NAALADL2: variants seen among roughly 807,000 people sequenced by gnomAD.
NAALADL2 encodes N-acetylated alpha-linked acidic dipeptidase like 2.
NAALADL2 carries 76 observed loss-of-function variants against 87.2 expected under a neutral mutation model. The observed-to-expected ratio is 0.87, with a 90% CI of 0.72 to 1.05. The LOEUF (loss-of-function observed/expected upper bound fraction) is 1.05, where lower values mean the gene tolerates loss of function less well. NAALADL2 is among the 50% of genes least tolerant of loss of function. The pLI, the probability that NAALADL2 is intolerant of heterozygous loss-of-function variation, is 0.00. For missense variants in NAALADL2, 1,089 were observed against 945.8 expected, an observed-to-expected ratio of 1.15 and a Z score of -1.99; for synonymous variants, 354 against 331.0, an observed-to-expected ratio of 1.07 and a Z score of -0.75.
chr3:175,537,758 C>T (rs911056084), intron 9 of NAALADL2, among the ~76,000 whole-genome samples: 1 of 152,078 alleles, frequency 6.6e-6, no homozygotes, highest in Admixed American at 6.6e-5. Context: ...CAAAGATCAT[C>T]AAAGTTTAAC....
intron 11 of NAALADL2, among the ~76,000 whole-genome samples, chr3:175,696,211 A>G (rs929464783): frequency 6.6e-6 from 1 of 152,180 alleles, no homozygotes; most frequent in African/African-American, 2.4e-5. Flanking sequence ...TCTAGCACAT[A>G]CAGAGTATTC....
chr3:174,666,401 C>T (rs1259747166), intron 2 of NAALADL2, among the ~76,000 whole-genome samples: 1 of 151,912 alleles, frequency 6.6e-6, no homozygotes, highest in Non-Finnish European at 1.5e-5. Flanking sequence ...ACTACATTGT[C>T]TTCTCTAATT....
chr3:175,638,115 A>G (rs560675344), intron 11 of NAALADL2, among the ~76,000 whole-genome samples: 2 of 152,348 alleles, frequency 1.3e-5, no homozygotes, highest in Admixed American at 1.3e-4. Context: ...GCATTTGAAC[A>G]ATTAGTGTGT....
At chr3:174,981,257 C>T (rs1745070384) in intron 1 of NAALADL2, among the ~76,000 whole-genome samples, 1 of 152,220 alleles carries the variant, frequency 6.6e-6, no homozygotes, top group Admixed American at 6.5e-5. Flanking sequence ...ATTCAGAAGT[C>T]AGAAGAGAAC....
chr3:174,720,956 A>G (rs1243540890), intron 2 of NAALADL2, among the ~76,000 whole-genome samples: 5 of 152,350 alleles, frequency 3.3e-5, no homozygotes, highest in East Asian at 1.9e-4. Context: ...GATTTTTTAC[A>G]TGACTAATTT....
At chr3:175,551,350 C>G (rs1204980557) in intron 9 of NAALADL2, among the ~76,000 whole-genome samples, 1 of 151,954 alleles carries the variant, frequency 6.6e-6, no homozygotes, top group African/African-American at 2.4e-5. Flanking sequence ...TAGGCAAAGA[C>G]AGTAACAAAA....
At chr3:175,332,303 C>T (rs559847290) in intron 5 of NAALADL2, among the ~76,000 whole-genome samples, 76 of 152,304 alleles carry the variant, frequency 5.0e-4, no homozygotes, top group Middle Eastern at 3.4e-3. Context: ...GGAGACATTA[C>T]AGCACCTGAC....
At chr3:174,926,442 G>A (rs1736048698) in intron 1 of NAALADL2, among the ~76,000 whole-genome samples, 2 of 152,040 alleles carry the variant, frequency 1.3e-5, no homozygotes, top group Admixed American at 6.6e-5. Context: ...AAAATGTTAA[G>A]GGCAGCCAGA....
chr3:174,868,156 T>C lies in NAALADL2; in HGVS notation c.43+8706T>C, dbSNP rs192864511. ...AGATACATTGTGAGGGGTAAATAGG[T>C]TATTTTGGAAGAAGGAGAAATGTAA... On this transcript the variant is annotated intron_variant, in intron 1 of 13. Coordinates refer to ENST00000454872, the MANE Select transcript of NAALADL2 (RefSeq NM_207015.3). 7.9e-5 allele frequency among the ~76,000 whole-genome samples: 12 copies of C among 152,158 alleles called. No individual in the cohort carries two copies. The East Asian group carries it at 2.3e-3, about 29-fold the overall frequency.
In NAALADL2 at chr3:174,897,179, G is replaced by C. The variant is rs1731648543; in HGVS notation, c.43+37729G>C. Among the ~76,000 whole-genome samples the C allele has an allele frequency of 3.3e-5, 5 of 152,160 alleles. No individual in the cohort carries two copies. In the South Asian group the frequency reaches 1.0e-3, roughly 32 times the overall value. ...ACATGGACAAATTGAATCATGTCAA[G>C]TTAAAAAGCTTCTACACAGCAAATG... On this transcript the variant is annotated intron_variant, in intron 1 of 13. Coordinates refer to ENST00000454872, the MANE Select transcript of NAALADL2 (RefSeq NM_207015.3).
At chr3:175,655,729 TAAAAA>T (rs1218320257) in intron 11 of NAALADL2, among the ~76,000 whole-genome samples, 3 of 145,948 alleles carry the variant, frequency 2.1e-5, no homozygotes, top group African/African-American at 5.2e-5. Context: ...TAAAATAAAA[TAAAAA>T]AACTTACAGT....
At chr3:175,576,283 G>A (rs1035026084) in intron 10 of NAALADL2, 96 bp downstream of exon 10, 3 of 1,118,210 alleles carry the variant, frequency 2.7e-6, no homozygotes, top group African/African-American at 1.6e-5. Context: ...ATATCAAATA[G>A]GTCACTATAG....
intron 10 of NAALADL2, among the ~76,000 whole-genome samples, chr3:175,589,585 G>A (rs1038624826): frequency 4.6e-5 from 7 of 151,534 alleles, no homozygotes; most frequent in East Asian, 1.9e-4. Context: ...TTAAAAACAC[G>A]TAAACATACC....
intron 1 of NAALADL2, among the ~76,000 whole-genome samples, chr3:175,043,595 T>C (rs991648314): frequency 1.3e-5 from 2 of 152,170 alleles, no homozygotes; most frequent in African/African-American, 2.4e-5. Context: ...ATTTTTTACA[T>C]GTGGATATCT....
intron 12 of NAALADL2, among the ~76,000 whole-genome samples, chr3:175,743,753 G>T (rs1196266213): frequency 6.6e-6 from 1 of 152,212 alleles, no homozygotes; most frequent in Non-Finnish European, 1.5e-5. Context: ...GTGGTAGTCA[G>T]CAAGTTGGAT....
intron 10 of NAALADL2, among the ~76,000 whole-genome samples, chr3:175,615,476 T>A (rs1028346145): frequency 7.9e-5 from 12 of 152,302 alleles, no homozygotes; most frequent in African/African-American, 2.2e-4. Context: ...GGTATCCATT[T>A]TATAGATGAG....
chr3:175,417,771 T>TATC (rs1714918248), intron 5 of NAALADL2, among the ~76,000 whole-genome samples: 2 of 152,202 alleles, frequency 1.3e-5, no homozygotes, highest in Non-Finnish European at 2.9e-5. Flanking sequence ...TATTTAGTTT[T>TATC]ATCTTTTACC....
chr3:174,920,129 T>C (rs1286714172), intron 1 of NAALADL2, among the ~76,000 whole-genome samples: 1 of 152,190 alleles, frequency 6.6e-6, no homozygotes, highest in Non-Finnish European at 1.5e-5. Flanking sequence ...CTAGAATTTT[T>C]TGAATAGCAA....
At chr3:175,462,845 A>C (rs1170049902) in intron 6 of NAALADL2, among the ~76,000 whole-genome samples, 1 of 152,222 alleles carries the variant, frequency 6.6e-6, no homozygotes, top group African/African-American at 2.4e-5. Flanking sequence ...AGGGACCTAC[A>C]AACTCAGAAA....
Sources: allele counts gnomAD v4.1 joint callset (sites outside exome capture counted in the v4.1 genomes callset), GRCh38; gene constraint gnomAD v4.1.1; transcripts MANE v1.5; gene names NCBI Gene and HGNC (gene_info 2026-07-23, HGNC 2026-07-21).